EPS15: variants seen among roughly 807,000 people sequenced by gnomAD.
The protein encoded by EPS15 is epidermal growth factor receptor pathway substrate 15.
Under a neutral mutation model 113.8 loss-of-function variants are expected in EPS15, and 72 were observed. That is an observed-to-expected ratio of 0.63 (90% CI 0.52 to 0.77). EPS15 has a LOEUF of 0.77. Ranked by LOEUF, EPS15 falls within the 30% of genes least tolerant of loss-of-function variation. EPS15 has a pLI of 0.00. For synonymous variants in EPS15, 344 were observed against 363.4 expected (o/e 0.95, Z 0.61); for missense variants, 1,048 against 1,045.8 (o/e 1.00, Z -0.03).
At chr1:51,363,775 T>C in intron 23 of EPS15, 91 bp downstream of exon 23, 1 of 1,239,150 alleles carries the variant, frequency 8.1e-7, no homozygotes, top group Non-Finnish European at 1.1e-6. Context: ...TTGTTTCACT[T>C]AAAGCCATTT....
At position 51,519,183 on chromosome 1, in the gene EPS15, G is replaced by T. The variant is rs773388975; in HGVS notation, c.33+16C>A. On this transcript the variant is annotated intron_variant, in intron 1 of 24. Coordinates refer to ENST00000371733, the MANE Select transcript of EPS15 (RefSeq NM_001981.3). ...CACCGGCCGGCCAAGCCCGGCGGACGGGCGTGTGGCGTTACCTGTGTCAGA... is the reference window on the plus strand; with the variant it reads ...CACCGGCCGGCCAAGCCCGGCGGACTGGCGTGTGGCGTTACCTGTGTCAGA... The T allele has an allele frequency of 1.4e-6, 2 of 1,440,800 alleles. No individual in the cohort carries two copies. The highest frequency in any genetic ancestry group is 2.9e-5 in the South Asian group (2 of 68,160). The allele number at this position is 1,440,800 out of a possible 1,614,324, so 89.3% of individuals were successfully genotyped here. A position where few individuals can be genotyped will look rare whatever the true frequency, so the allele number is the denominator to read the frequency against.
chr1:51,507,903 C>A (rs1417981047), intron 1 of EPS15, among the ~76,000 whole-genome samples: 1 of 151,554 alleles, frequency 6.6e-6, no homozygotes, highest in Non-Finnish European at 1.5e-5. Context: ...TTAGGCCCAA[C>A]GCGGTGGCTC....
chr1:51,392,914 C>A (rs1250470185), intron 21 of EPS15, among the ~76,000 whole-genome samples: 3 of 152,112 alleles, frequency 2.0e-5, no homozygotes, highest in African/African-American at 4.8e-5. Context: ...TTCTATAGTA[C>A]CCCTAGCAAT....
In EPS15 at chr1:51,399,114, C is replaced by T; in HGVS notation, c.1970G>A (p.Cys657Tyr). 6.2e-7 allele frequency: 1 copy of T among 1,613,996 alleles called. No homozygotes were observed. The highest frequency in any genetic ancestry group is 8.5e-7 in the Non-Finnish European group (1 of 1,179,888). ...FKGSDPFASD[C>Y]FFRQSTDPFA... ...AGGATCAGTAGATTGCCTGAAGAAA[C>T]AGTCTGATGCAAATGGATCTGAACC... The change falls in exon 20 of 25, where the codon TGT (cysteine) becomes TAT (tyrosine). Residue 657 changes from cysteine (C) to tyrosine (Y), a missense_variant. Transcript: ENST00000371733.
intron 4 of EPS15, 102 bp downstream of exon 4, chr1:51,471,588 G>T: frequency 1.1e-6 from 1 of 907,736 alleles, no homozygotes; most frequent in Non-Finnish European, 1.8e-6. Flanking sequence ...CTCTAATGTT[G>T]GTAAAAACCA....
At chr1:51,482,041 A>G (rs1570399308) in intron 1 of EPS15, among the ~76,000 whole-genome samples, 1 of 152,152 alleles carries the variant, frequency 6.6e-6, no homozygotes, top group Non-Finnish European at 1.5e-5. Flanking sequence ...GTGGTGGCAC[A>G]TGCCTGTAGT....
In EPS15 at chr1:51,408,341, T is replaced by C; in HGVS notation, c.1276-9A>G. 1 of 1,578,694 alleles carries C rather than the reference T, an allele frequency of 6.3e-7. No homozygotes were observed. Among genetic ancestry groups the C allele is most frequent in the Non-Finnish European group, 8.7e-7 (1 of 1,147,942 alleles). On this transcript the variant is annotated splice_polypyrimidine_tract_variant and intron_variant, in intron 14 of 24. Coordinates refer to ENST00000371733, the MANE Select transcript of EPS15 (RefSeq NM_001981.3). ...GCTTTCAGAGAAGAGATCTATAATG[T>C]GAAAGTGAATGAGAAGAAATGGGGA...
rs191129131 is a variant in EPS15, at chr1:51,455,358, G to A, written c.561+5733C>T. ...TAATCCCAGCACTTTGGGAGGCTAA[G>A]GCAGGTGGATTACCTGAGATCAGGA... On this transcript the variant is annotated intron_variant, in intron 8 of 24. Coordinates refer to ENST00000371733, the MANE Select transcript of EPS15 (RefSeq NM_001981.3). 2.6e-4 allele frequency among the ~76,000 whole-genome samples: 39 copies of A among 152,296 alleles called. 1 individual carries two copies. In the East Asian group the frequency reaches 5.4e-3, roughly 21 times the overall value.
chr1:51,357,391 AATAT>A (rs869072153), intron 24 of EPS15, among the ~76,000 whole-genome samples: 33 of 65,724 alleles, frequency 5.0e-4, no homozygotes, highest in African/African-American at 7.0e-4. Flanking sequence ...AAAAAAAAAA[AATAT>A]ATATATATAT....
At position 51,354,966 on chromosome 1, in the gene EPS15, G is replaced by C. The variant is rs967875764; in HGVS notation, c.*1734C>G. On this transcript the variant is annotated 3_prime_UTR_variant, in exon 25 of 25. Transcript: ENST00000371733. Reference sequence around the variant, plus strand: ...TTACCTTTATCCTAAGGAGTAAGAGGAAGAAAATAAACAAAAATACCACCT... The same window carrying C: ...TTACCTTTATCCTAAGGAGTAAGAGCAAGAAAATAAACAAAAATACCACCT... The C allele has an allele frequency of 6.4e-5, 14 of 218,264 alleles. No homozygotes were observed. The highest frequency in any genetic ancestry group is 1.3e-4 in the Non-Finnish European group (14 of 108,562). The allele number at this position is 218,264 out of a possible 1,614,324, so 13.5% of individuals were successfully genotyped here. A position where few individuals can be genotyped will look rare whatever the true frequency, so the allele number is the denominator to read the frequency against.
At chr1:51,483,229 TGA>T (rs753375856) in intron 1 of EPS15, among the ~76,000 whole-genome samples, 4 of 152,112 alleles carry the variant, frequency 2.6e-5, no homozygotes, top group African/African-American at 4.8e-5. Flanking sequence ...TAAGATATGT[TGA>T]GAGAGAGAGA....
intron 24 of EPS15, among the ~76,000 whole-genome samples, 176 bp downstream of exon 24, chr1:51,360,995 A>G (rs563756436): frequency 6.6e-6 from 1 of 152,296 alleles, no homozygotes; most frequent in African/African-American, 2.4e-5. Flanking sequence ...CGATGGAACA[A>G]CCGTAGAACT....
intron 1 of EPS15, among the ~76,000 whole-genome samples, chr1:51,515,940 G>A (rs1014126378): frequency 1.5e-4 from 23 of 152,138 alleles, no homozygotes; most frequent in Admixed American, 6.5e-5. Flanking sequence ...TTCCCAAAGG[G>A]AAGTTAACAG....
intron 21 of EPS15, among the ~76,000 whole-genome samples, chr1:51,392,991 T>G (rs1365234643): frequency 3.3e-5 from 5 of 152,242 alleles, no homozygotes; most frequent in Non-Finnish European, 5.9e-5. Flanking sequence ...ATTTAACCAC[T>G]GTTAATACAA....
chr1:51,476,143 A>C (rs901783336), intron 2 of EPS15, among the ~76,000 whole-genome samples: 4 of 152,192 alleles, frequency 2.6e-5, no homozygotes, highest in African/African-American at 7.2e-5. Flanking sequence ...CTTTTTGCTT[A>C]GGATTGTCTT....
At chr1:51,493,525 A>T (rs1190343550) in intron 1 of EPS15, among the ~76,000 whole-genome samples, 12 of 115,132 alleles carry the variant, frequency 1.0e-4, no homozygotes, top group Non-Finnish European at 1.9e-4. Context: ...ACTCAGTCTC[A>T]AATTAAATAA....
intron 1 of EPS15, among the ~76,000 whole-genome samples, chr1:51,518,934 G>C (rs1180015754): frequency 2.6e-5 from 4 of 151,364 alleles, no homozygotes; most frequent in Non-Finnish European, 5.9e-5. Flanking sequence ...CTCGGCAGCG[G>C]CGCGGAGGGC....
At chr1:51,406,278 C>A (rs1007615092) in intron 15 of EPS15, among the ~76,000 whole-genome samples, 170 bp from the exon 16 acceptor site, 4 of 152,178 alleles carry the variant, frequency 2.6e-5, no homozygotes, top group Middle Eastern at 6.8e-3. Flanking sequence ...GAGTTCAAGA[C>A]CAGCCTGAGC....
intron 8 of EPS15, among the ~76,000 whole-genome samples, chr1:51,456,872 T>A (rs1457128488): frequency 6.6e-6 from 1 of 152,094 alleles, no homozygotes; most frequent in Non-Finnish European, 1.5e-5. Flanking sequence ...ACCAAAAGAA[T>A]ACTAGTTATT....
Sources: gnomAD v4.1 joint callset for allele counts (sites outside exome capture counted in the v4.1 genomes callset) on GRCh38, gnomAD v4.1.1 for gene constraint, MANE v1.5 for transcripts, NCBI Gene and HGNC (gene_info 2026-07-23, HGNC 2026-07-21) for gene names.